LRMDA: variants seen among roughly 807,000 people sequenced by gnomAD.
LRMDA encodes leucine-rich melanocyte differentiation-associated protein.
LRMDA carries 18 observed loss-of-function variants against 29.8 expected under a neutral mutation model. The ratio of observed to expected loss-of-function variants is 0.60; its 90% CI spans 0.42 to 0.90. LRMDA has a LOEUF of 0.90. LRMDA is among the 40% of genes least tolerant of loss of function. The pLI, the probability that LRMDA is intolerant of heterozygous loss-of-function variation, is 0.00. For missense variants in LRMDA, 273 were observed against 273.9 expected (o/e 1.00, Z 0.02); for synonymous variants, 125 against 109.4 (o/e 1.14, Z -0.89).
chr10:75,778,267 G>A (rs966654089), intron 2 of LRMDA, among the ~76,000 whole-genome samples: 31 of 151,930 alleles, frequency 2.0e-4, no homozygotes, highest in Admixed American at 6.6e-5. Context: ...TAGTAGGGAC[G>A]GGGTTCCACC....
intron 2 of LRMDA, among the ~76,000 whole-genome samples, chr10:75,504,510 C>T (rs1845149702): frequency 6.6e-6 from 1 of 152,032 alleles, no homozygotes; most frequent in Admixed American, 6.6e-5. Flanking sequence ...AAGGTTTGGC[C>T]AGTAACAAAT....
chr10:76,284,568 T>C (rs896672152), intron 5 of LRMDA, among the ~76,000 whole-genome samples: 1 of 152,226 alleles, frequency 6.6e-6, no homozygotes, highest in Non-Finnish European at 1.5e-5. Flanking sequence ...AAACTGATTC[T>C]GTCTTGCAAA....
rs1341346596 is a variant in LRMDA, at chr10:76,231,811, A to G, written c.517-92590A>G. ...GTAGGAGAGAGGTTGGATTATTTAC[A>G]TTAAGGGCATATCCACAAAATCTCA... On this transcript the variant is annotated intron_variant, in intron 5 of 6. Coordinates refer to ENST00000611255, the MANE Select transcript of LRMDA (RefSeq NM_001305581.2). Among the ~76,000 whole-genome samples the G allele has an allele frequency of 2.0e-5, 3 of 152,222 alleles. No homozygotes were observed. In the East Asian group the frequency reaches 5.8e-4, roughly 29 times the overall value.
At chr10:75,457,035 G>C (rs559162140) in intron 2 of LRMDA, among the ~76,000 whole-genome samples, 108 of 152,298 alleles carry the variant, frequency 7.1e-4, no homozygotes, top group African/African-American at 2.4e-3. Context: ...TAATGGTACT[G>C]GTGACTCCCA....
chr10:75,948,417 G>A (rs940627882), intron 2 of LRMDA, among the ~76,000 whole-genome samples: 5 of 152,062 alleles, frequency 3.3e-5, no homozygotes, highest in Admixed American at 2.6e-4. Flanking sequence ...CTTTTATTAC[G>A]CAGTCTTCAT....
At chr10:76,274,718 T>C (rs1302832555) in intron 5 of LRMDA, among the ~76,000 whole-genome samples, 1 of 152,190 alleles carries the variant, frequency 6.6e-6, no homozygotes, top group South Asian at 2.1e-4. Context: ...CAACAATCAC[T>C]GTAATGGTAG....
chr10:75,870,412 A>G (rs1333821557), intron 2 of LRMDA, among the ~76,000 whole-genome samples: 1 of 152,220 alleles, frequency 6.6e-6, no homozygotes, highest in Non-Finnish European at 1.5e-5. Context: ...GGGAGAATTA[A>G]GAAGTGAGTC....
intron 5 of LRMDA, among the ~76,000 whole-genome samples, chr10:76,106,168 G>C (rs1344703658): frequency 6.6e-6 from 1 of 152,230 alleles, no homozygotes; most frequent in Non-Finnish European, 1.5e-5. Flanking sequence ...TGTTAACACT[G>C]ATATGACCTC....
intron 5 of LRMDA, among the ~76,000 whole-genome samples, chr10:76,082,360 G>T (rs1388787120): frequency 6.6e-6 from 1 of 152,046 alleles, no homozygotes; most frequent in African/African-American, 2.4e-5. Context: ...AACATGGCAA[G>T]GTTTGTCTTC....
At chr10:76,348,731 A>C (rs1359296200) in intron 6 of LRMDA, among the ~76,000 whole-genome samples, 1 of 152,226 alleles carries the variant, frequency 6.6e-6, no homozygotes, top group Non-Finnish European at 1.5e-5. Context: ...GGTATTTGCT[A>C]TGCAAGACAC....
At chr10:76,381,816 T>A (rs559256767) in intron 6 of LRMDA, among the ~76,000 whole-genome samples, 2 of 152,352 alleles carry the variant, frequency 1.3e-5, no homozygotes, top group Middle Eastern at 6.8e-3. Flanking sequence ...TGAAGTCTCA[T>A]CTGTTCTCTT....
intron 5 of LRMDA, among the ~76,000 whole-genome samples, chr10:76,246,660 G>C (rs913766880): frequency 2.6e-5 from 4 of 152,170 alleles, no homozygotes; most frequent in Non-Finnish European, 4.4e-5. Flanking sequence ...GCAGAATTAC[G>C]GCCCTGGATT....
At chr10:75,673,635 T>C (rs1405884662) in intron 2 of LRMDA, among the ~76,000 whole-genome samples, 4 of 152,194 alleles carry the variant, frequency 2.6e-5, no homozygotes, top group Non-Finnish European at 4.4e-5. Context: ...TCAGGAATGA[T>C]AAATTGCTGA....
intron 5 of LRMDA, among the ~76,000 whole-genome samples, chr10:76,278,814 G>A (rs550416014): frequency 6.6e-6 from 1 of 152,154 alleles, no homozygotes; most frequent in Non-Finnish European, 1.5e-5. Flanking sequence ...TTTATTGAAA[G>A]ATTCTTTTAC....
chr10:75,922,885 C>G (rs1036794605), intron 2 of LRMDA, among the ~76,000 whole-genome samples: 3 of 152,090 alleles, frequency 2.0e-5, no homozygotes, highest in African/African-American at 7.2e-5. Flanking sequence ...TGTTCTTCAT[C>G]TATTATTGGT....
intron 6 of LRMDA, among the ~76,000 whole-genome samples, chr10:76,456,855 T>C (rs549291255): frequency 3.2e-4 from 48 of 152,284 alleles, no homozygotes; most frequent in Non-Finnish European, 5.4e-4. Flanking sequence ...TTCTTTTTTA[T>C]TTTTTGGGGT....
chr10:76,311,473 G>A (rs968065022), intron 5 of LRMDA, among the ~76,000 whole-genome samples: 4 of 152,146 alleles, frequency 2.6e-5, no homozygotes, highest in Non-Finnish European at 5.9e-5. Context: ...TGAAAAATAT[G>A]CACGTATCTC....
intron 2 of LRMDA, among the ~76,000 whole-genome samples, chr10:75,465,323 C>A (rs1333741786): frequency 2.6e-5 from 4 of 152,192 alleles, no homozygotes; most frequent in African/African-American, 9.7e-5. Flanking sequence ...TGTCCTTGCA[C>A]ATGTCTTCTG....
chr10:75,505,714 C>T (rs966241644), intron 2 of LRMDA, among the ~76,000 whole-genome samples: 2 of 152,088 alleles, frequency 1.3e-5, no homozygotes, highest in South Asian at 2.1e-4. Flanking sequence ...TGATTCCTAC[C>T]CTTTGCTTAA....
Sources: allele counts gnomAD v4.1 joint callset (sites outside exome capture counted in the v4.1 genomes callset), GRCh38; gene constraint gnomAD v4.1.1; transcripts MANE v1.5; gene names NCBI Gene and HGNC (gene_info 2026-07-23, HGNC 2026-07-21).